GRIK2: variants seen among roughly 807,000 people sequenced by gnomAD.
GRIK2 encodes the protein glutamate ionotropic receptor kainate type subunit 2.
A neutral mutation model predicts 100.3 loss-of-function variants in GRIK2; 32 were observed. That is an observed-to-expected ratio of 0.32 (90% CI 0.24 to 0.43). The LOEUF (loss-of-function observed/expected upper bound fraction) is 0.43, where lower values mean the gene tolerates loss of function less well. GRIK2 is among the 20% of genes least tolerant of loss of function. GRIK2 has a pLI of 1.00. For missense variants in GRIK2, 843 were observed against 1,114.9 expected (o/e 0.76, Z 3.47); for synonymous variants, 417 against 389.4 (o/e 1.07, Z -0.83).
At chr6:102,007,401 T>C (rs988729528) in intron 14 of GRIK2, among the ~76,000 whole-genome samples, 1 of 152,138 alleles carries the variant, frequency 6.6e-6, no homozygotes, top group African/African-American at 2.4e-5. Context: ...GACATAAATA[T>C]TTAAATGCAG....
intron 2 of GRIK2, among the ~76,000 whole-genome samples, chr6:101,440,614 C>A (rs953321546): frequency 2.6e-5 from 4 of 152,114 alleles, no homozygotes; most frequent in Non-Finnish European, 4.4e-5. Flanking sequence ...TGTGATAGAA[C>A]CTGCACCCAT....
intron 2 of GRIK2, among the ~76,000 whole-genome samples, chr6:101,549,869 G>C (rs1032549844): frequency 6.6e-6 from 1 of 152,032 alleles, no homozygotes; most frequent in Admixed American, 6.6e-5. Flanking sequence ...TCCCCATTTT[G>C]CCAATGAAGA....
At chr6:101,940,521 C>T (rs1190591005) in intron 14 of GRIK2, among the ~76,000 whole-genome samples, 4 of 152,170 alleles carry the variant, frequency 2.6e-5, no homozygotes, top group Non-Finnish European at 5.9e-5. Context: ...GCTGTCACGT[C>T]TACCTTTCTC....
intron 14 of GRIK2, among the ~76,000 whole-genome samples, chr6:102,006,379 T>C (rs1795226544): frequency 8.8e-6 from 1 of 114,120 alleles, no homozygotes; most frequent in African/African-American, 5.1e-5. Context: ...TATATATATA[T>C]ATATATATAT....
chr6:101,694,453 T>C (rs1772328222), intron 7 of GRIK2, among the ~76,000 whole-genome samples: 1 of 152,030 alleles, frequency 6.6e-6, no homozygotes, highest in South Asian at 2.1e-4. Context: ...AAGATAATTA[T>C]AAATATTCTA....
At chr6:101,882,412 T>C (rs1474092091) in intron 11 of GRIK2, among the ~76,000 whole-genome samples, 1 of 152,122 alleles carries the variant, frequency 6.6e-6, no homozygotes, top group Non-Finnish European at 1.5e-5. Flanking sequence ...TTTAGACCCA[T>C]AGTTATTCTG....
chr6:101,946,319 A>T (rs1791273613), intron 14 of GRIK2, among the ~76,000 whole-genome samples: 1 of 152,020 alleles, frequency 6.6e-6, no homozygotes, highest in South Asian at 2.1e-4. Context: ...TGCTATAAAC[A>T]TAACTTCAGA....
chr6:101,870,914 G>A (rs895027777), intron 11 of GRIK2, among the ~76,000 whole-genome samples: 1 of 151,826 alleles, frequency 6.6e-6, no homozygotes, highest in East Asian at 1.9e-4. Flanking sequence ...TTGAGAGCAC[G>A]TGTTCTGAAA....
chr6:101,744,833 G>A (rs985343029), intron 7 of GRIK2: 5 of 151,662 alleles, frequency 3.3e-5, no homozygotes, highest in African/African-American at 1.2e-4. Context: ...CGCCCACCTT[G>A]GCCTCCCAAA....
intron 2 of GRIK2, among the ~76,000 whole-genome samples, chr6:101,559,238 A>T (rs966579202): frequency 6.6e-6 from 1 of 152,172 alleles, no homozygotes; most frequent in African/African-American, 2.4e-5. Context: ...TAGTTTAAGT[A>T]AATATAGCTA....
At chr6:101,734,936 C>T (rs772715261) in intron 7 of GRIK2, among the ~76,000 whole-genome samples, 3 of 152,126 alleles carry the variant, frequency 2.0e-5, no homozygotes, top group Non-Finnish European at 2.9e-5. Context: ...AGCTTGTCTT[C>T]ATTGAGAATG....
intron 14 of GRIK2, among the ~76,000 whole-genome samples, chr6:101,952,113 A>G (rs1309088946): frequency 6.6e-6 from 1 of 152,184 alleles, no homozygotes; most frequent in East Asian, 1.9e-4. Flanking sequence ...TCTCCATTTC[A>G]GCAATTTTGT....
intron 16 of GRIK2, chr6:102,063,962 G>A (rs769831437): frequency 7.6e-6 from 11 of 1,439,674 alleles, no homozygotes; most frequent in Non-Finnish European, 1.1e-5. Context: ...TCATTTTCAG[G>A]AATCTTCTAT....
intron 7 of GRIK2, among the ~76,000 whole-genome samples, chr6:101,797,467 A>AT (rs1780380937): frequency 6.6e-6 from 1 of 151,024 alleles, no homozygotes; most frequent in Admixed American, 6.6e-5. Flanking sequence ...TTAACAATAG[A>AT]TTTTTTATTA....
At chr6:101,524,985 G>C (rs964227144) in intron 2 of GRIK2, among the ~76,000 whole-genome samples, 1 of 151,916 alleles carries the variant, frequency 6.6e-6, no homozygotes, top group Non-Finnish European at 1.5e-5. Flanking sequence ...TACCCACCTC[G>C]GCCTCCCAAA....
At chr6:101,468,328 T>C (rs1364780233) in intron 2 of GRIK2, among the ~76,000 whole-genome samples, 2 of 152,150 alleles carry the variant, frequency 1.3e-5, no homozygotes, top group Non-Finnish European at 2.9e-5. Flanking sequence ...CTTTCACTAA[T>C]GCTTATCTTC....
At chr6:101,744,558 A>ATATATATCTATCTATC (rs751011648) in intron 7 of GRIK2, 11 of 115,022 alleles carry the variant, frequency 9.6e-5, no homozygotes, top group African/African-American at 4.1e-4. Flanking sequence ...ATATATATAT[A>ATATATATCTATCTATC]TCACAATTTC....
At position 101,416,483 on chromosome 6, in the gene GRIK2, A is replaced by G. The variant is rs183170690; in HGVS notation, c.115+17091A>G. 2.0e-3 allele frequency among the ~76,000 whole-genome samples: 299 copies of G among 152,268 alleles called. 1 individual carries two copies. Among genetic ancestry groups the G allele is most frequent in the African/African-American group, 6.8e-3 (282 of 41,550 alleles). ...TCTTTGCTTTTTGATTTGTTAAGCA[A>G]ATTCCAGGTGTCTCACTTGCTAATC... On this transcript the variant is annotated intron_variant, in intron 2 of 16. Coordinates refer to ENST00000369134, the MANE Select transcript of GRIK2 (RefSeq NM_021956.5).
At chr6:101,745,191 G>T (rs1175792654) in intron 7 of GRIK2, 3 of 152,034 alleles carry the variant, frequency 2.0e-5, no homozygotes, top group East Asian at 3.9e-4. Flanking sequence ...AAAGCTGAAG[G>T]TATATCAACT....
Sources: gnomAD v4.1 joint callset for allele counts (sites outside exome capture counted in the v4.1 genomes callset) on GRCh38, gnomAD v4.1.1 for gene constraint, MANE v1.5 for transcripts, NCBI Gene and HGNC (gene_info 2026-07-23, HGNC 2026-07-21) for gene names.